The following DMXL1 variants were observed in gnomAD, a reference collection of about 807,000 sequenced individuals.
The protein encoded by DMXL1 is dmX-like protein 1.
DMXL1 carries 99 observed loss-of-function variants against 319.2 expected under a neutral mutation model. The observed-to-expected ratio is 0.31, with a 90% CI of 0.26 to 0.37. The LOEUF (loss-of-function observed/expected upper bound fraction) is 0.37. DMXL1 is among the 10% of genes least tolerant of loss of function. The probability of loss-of-function intolerance (pLI) is 1.00; values close to 1 mark genes in which losing one functional copy is unlikely to be tolerated. For synonymous variants in DMXL1, 1,385 were observed against 1,235.2 expected, an observed-to-expected ratio of 1.12 and a Z score of -2.54; for missense variants, 3,745 against 3,595.6, an observed-to-expected ratio of 1.04 and a Z score of -1.06.
Position 119,170,297 on chromosome 5 carries a change from A to C in DMXL1, c.5506A>C (p.Thr1836Pro), listed in dbSNP as rs1458764012. 6.2e-7 allele frequency: 1 copy of C among 1,613,798 alleles called. No homozygotes were observed. The highest frequency in any genetic ancestry group is 8.5e-7 in the Non-Finnish European group (1 of 1,179,952). Residue 1836 changes from threonine (T) to proline (P), a missense_variant, in exon 24 of 44, where the codon ACA becomes CCA. Coordinates refer to ENST00000539542, the MANE Select transcript of DMXL1 (RefSeq NM_001290321.3). ...TTTTGGATCATCTGATACATTTTCC[A>C]CACATATGAGCCTAACAGGAAAAAG... ...RHFGSSDTFSTHMSLTGKSGL... is the reference protein window; with the variant it reads ...RHFGSSDTFSPHMSLTGKSGL...
intron 1 of DMXL1, among the ~76,000 whole-genome samples, chr5:119,081,000 C>A (rs1224530462): frequency 6.6e-6 from 1 of 152,224 alleles, no homozygotes; most frequent in African/African-American, 2.4e-5. Flanking sequence ...ACTAGATGAT[C>A]TTCCTATTTG....
In DMXL1 at chr5:119,090,211, G is replaced by A. The variant is rs950768544; in HGVS notation, c.88-7768G>A. 1.3e-4 allele frequency among the ~76,000 whole-genome samples: 19 copies of A among 150,848 alleles called. 1 individual carries two copies. The highest frequency in any genetic ancestry group is 9.3e-4 in the Admixed American group (14 of 15,112). On this transcript the variant is annotated intron_variant, in intron 1 of 43. Coordinates refer to ENST00000539542, the MANE Select transcript of DMXL1 (RefSeq NM_001290321.3). Reference sequence around the variant, plus strand: ...AATTTTTGTGTTTTTAGTAGAGACAGGGTTTCACCATGTTGGCCAGGCTAG... The same window carrying A: ...AATTTTTGTGTTTTTAGTAGAGACAAGGTTTCACCATGTTGGCCAGGCTAG...
At chr5:119,217,888 G>C (rs1449450254) in intron 35 of DMXL1, among the ~76,000 whole-genome samples, 1 of 152,020 alleles carries the variant, frequency 6.6e-6, no homozygotes, top group Non-Finnish European at 1.5e-5. Context: ...TATCTTTGTT[G>C]TTCTGTGTGC....
chr5:119,218,059 A>G (rs932196344), intron 35 of DMXL1, among the ~76,000 whole-genome samples: 25 of 152,098 alleles, frequency 1.6e-4, no homozygotes, highest in African/African-American at 5.8e-4. Context: ...TCTGTATAAC[A>G]TGATATTATA....
chr5:119,197,978 A>G, intron 32 of DMXL1, 22 bp downstream of exon 32: 1 of 1,611,326 alleles, frequency 6.2e-7, no homozygotes, highest in Non-Finnish European at 8.5e-7. Flanking sequence ...TATGAATGCT[A>G]TTTGGGTTTT....
intron 3 of DMXL1, among the ~76,000 whole-genome samples, chr5:119,103,346 T>C (rs1757671094): frequency 6.6e-6 from 1 of 152,218 alleles, no homozygotes; most frequent in African/African-American, 2.4e-5. Context: ...CTTTTGATAG[T>C]TTTCATGTCA....
At chr5:119,228,477 A>C (rs1786014881) in intron 38 of DMXL1, among the ~76,000 whole-genome samples, 1 of 152,236 alleles carries the variant, frequency 6.6e-6, no homozygotes, top group Non-Finnish European at 1.5e-5. Context: ...ATACAAGGAC[A>C]CATCAGATTT....
At chr5:119,188,872 A>G (rs1778221156) in intron 28 of DMXL1, among the ~76,000 whole-genome samples, 1 of 152,252 alleles carries the variant, frequency 6.6e-6, no homozygotes, top group South Asian at 2.1e-4. Context: ...ATTACAGCAC[A>G]AGTATTTGCA....
Position 119,151,919 on chromosome 5 carries a change from C to G in DMXL1, c.4595-10C>G, listed in dbSNP as rs369756452. 5.6e-5 allele frequency: 90 copies of G among 1,592,942 alleles called. No homozygotes were observed. Among genetic ancestry groups the G allele is most frequent in the Non-Finnish European group, 7.1e-5 (83 of 1,162,240 alleles). On this transcript the variant is annotated splice_polypyrimidine_tract_variant and intron_variant, in intron 18 of 43. Transcript: ENST00000539542. ...TTTTAATACATTGCTTCCCCTTTCT[C>G]CCATTGCAGGTGGAGAAACTCTTGA...
chr5:119,193,256 A>G (rs542130184), intron 29 of DMXL1, among the ~76,000 whole-genome samples: 2 of 152,042 alleles, frequency 1.3e-5, no homozygotes, highest in East Asian at 1.9e-4. Context: ...ATTCTCTCCA[A>G]CCTTTCTCCC....
At chr5:119,123,211 G>T (rs1035689581) in intron 9 of DMXL1, among the ~76,000 whole-genome samples, 3 of 151,934 alleles carry the variant, frequency 2.0e-5, no homozygotes, top group Admixed American at 1.3e-4. Flanking sequence ...GCTGAGGCAG[G>T]AGAATCAGGC....
At chr5:119,099,161 C>T (rs545413818) in intron 2 of DMXL1, among the ~76,000 whole-genome samples, 1 of 150,520 alleles carries the variant, frequency 6.6e-6, no homozygotes, top group South Asian at 2.1e-4. Flanking sequence ...TTATGGAATG[C>T]TGGAAATCTT....
chr5:119,216,122 A>AG lies in DMXL1; in HGVS notation c.7927-778dup, dbSNP rs1783653256. ...AAAAAAAAAAAAAAAAAAAAAAAAA[A>AG]GCAGGATAATATGAAATAATGTCCT... On this transcript the variant is annotated intron_variant, in intron 34 of 43. Coordinates refer to ENST00000539542, the MANE Select transcript of DMXL1 (RefSeq NM_001290321.3). Among the ~76,000 whole-genome samples the AG allele has an allele frequency of 5.4e-5, 8 of 148,564 alleles. 1 individual carries two copies. The East Asian group carries it at 1.4e-3, about 25-fold the overall frequency.
chr5:119,137,602 A>G (rs780385105), intron 13 of DMXL1, among the ~76,000 whole-genome samples: 1 of 152,188 alleles, frequency 6.6e-6, no homozygotes, highest in Non-Finnish European at 1.5e-5. Context: ...CATGGTGGCC[A>G]TTTCCCTTAT....
At chr5:119,211,764 G>A (rs1407433995) in intron 34 of DMXL1, among the ~76,000 whole-genome samples, 1 of 152,116 alleles carries the variant, frequency 6.6e-6, no homozygotes, top group Non-Finnish European at 1.5e-5. Flanking sequence ...ACCTTATATT[G>A]TAGGTTTTAG....
intron 35 of DMXL1, among the ~76,000 whole-genome samples, chr5:119,217,776 G>A (rs1783942398): frequency 6.6e-6 from 1 of 152,114 alleles, no homozygotes; most frequent in Non-Finnish European, 1.5e-5. Context: ...GTAATACAGG[G>A]AAGTGTGATA....
chr5:119,118,786 T>A, intron 7 of DMXL1, 29 bp from the exon 8 acceptor site: 1 of 1,543,580 alleles, frequency 6.5e-7, no homozygotes, highest in African/African-American at 1.4e-5. Context: ...AATTTGTATT[T>A]TTGCTTCTAA....
intron 34 of DMXL1, among the ~76,000 whole-genome samples, chr5:119,209,428 C>T (rs530312790): frequency 2.0e-5 from 3 of 151,504 alleles, no homozygotes; most frequent in South Asian, 4.2e-4. Flanking sequence ...CGGCTCACTG[C>T]AGCCTTGACC....
intron 18 of DMXL1, 119 bp downstream of exon 18, chr5:119,150,540 G>A (rs1769542271): frequency 8.6e-7 from 1 of 1,158,440 alleles, no homozygotes; most frequent in Admixed American, 3.0e-5. Flanking sequence ...TGTAAATTCA[G>A]CTCTTTGGGA....
Sources: allele counts gnomAD v4.1 joint callset (sites outside exome capture counted in the v4.1 genomes callset), GRCh38; gene constraint gnomAD v4.1.1; transcripts MANE v1.5; gene names NCBI Gene and HGNC (gene_info 2026-07-23, HGNC 2026-07-21).